The following EEFSEC variants were observed in gnomAD, a reference collection of about 807,000 sequenced individuals.
EEFSEC encodes the protein eukaryotic elongation factor, selenocysteine-tRNA specific.
A neutral mutation model predicts 42.1 loss-of-function variants in EEFSEC; 43 were observed. The ratio of observed to expected loss-of-function variants is 1.02; its 90% CI spans 0.80 to 1.32. The LOEUF is 1.32. Among genes scored for constraint, EEFSEC ranks in the 40% most tolerant of loss-of-function variants. The pLI, the probability that EEFSEC is intolerant of heterozygous loss-of-function variation, is 0.00. For missense variants in EEFSEC, 745 were observed against 803.6 expected (o/e 0.93, Z 0.88); for synonymous variants, 354 against 339.1 (o/e 1.04, Z -0.48).
At chr3:128,417,580 G>A in the EEFSEC span, among the ~76,000 whole-genome samples, 1 of 152,160 alleles carries the variant, frequency 6.6e-6, no homozygotes, top group African/African-American at 2.4e-5. This position sits in a 1 kb window ranked among gnomAD's most constrained non-coding sequence, Gnocchi z 4.3. Flanking sequence ...GTTCCCATGG[G>A]AAGGGGGCTC....
chr3:128,342,928 C>T (rs1465448626), intron 5 of EEFSEC, among the ~76,000 whole-genome samples: 2 of 152,226 alleles, frequency 1.3e-5, no homozygotes, highest in Non-Finnish European at 2.9e-5. Flanking sequence ...CAAACCTTGC[C>T]GTCTCTTCTA....
At chr3:128,316,177 A>C (rs1325471369) in intron 4 of EEFSEC, among the ~76,000 whole-genome samples, 1 of 152,226 alleles carries the variant, frequency 6.6e-6, no homozygotes, top group South Asian at 2.1e-4. Context: ...ATAGAAATAC[A>C]TGCTTGTTGT....
At chr3:128,414,161 C>G in the EEFSEC span, among the ~76,000 whole-genome samples, 9 of 152,232 alleles carry the variant, frequency 5.9e-5, no homozygotes, top group South Asian at 2.1e-4. Context: ...GGCCCCAGCC[C>G]TAGAGTGATG....
At chr3:128,203,626 C>T (rs186427926) in intron 1 of EEFSEC, among the ~76,000 whole-genome samples, 1 of 152,200 alleles carries the variant, frequency 6.6e-6, no homozygotes, top group African/African-American at 2.4e-5. Context: ...AGGCTGGAGC[C>T]AGGTCTGCTA....
chr3:128,219,827 A>C (rs1469977807), intron 1 of EEFSEC, among the ~76,000 whole-genome samples: 2 of 151,688 alleles, frequency 1.3e-5, no homozygotes, highest in African/African-American at 4.8e-5. Flanking sequence ...AAGAGTGCCC[A>C]TCTAGTGTGT....
chr3:128,330,106 G>A (rs1451188645), intron 4 of EEFSEC, among the ~76,000 whole-genome samples: 1 of 152,214 alleles, frequency 6.6e-6, no homozygotes, highest in Non-Finnish European at 1.5e-5. Context: ...GAAGAATCCA[G>A]CATTGCTGTA....
chr3:128,313,177 C>G (rs903265502), intron 4 of EEFSEC, among the ~76,000 whole-genome samples: 3 of 152,204 alleles, frequency 2.0e-5, no homozygotes, highest in African/African-American at 7.2e-5. Context: ...TACATCCTGG[C>G]TCTCCCAGCC....
intron 4 of EEFSEC, among the ~76,000 whole-genome samples, chr3:128,298,372 T>C (rs1409060190): frequency 6.6e-6 from 1 of 152,186 alleles, no homozygotes; most frequent in East Asian, 1.9e-4. Flanking sequence ...GGTCTCAAAC[T>C]CTTGGGCTCA....
chr3:128,294,109 T>C (rs1052508683), intron 4 of EEFSEC, among the ~76,000 whole-genome samples: 13 of 152,340 alleles, frequency 8.5e-5, no homozygotes, highest in African/African-American at 2.9e-4. Flanking sequence ...CCAGCACTTC[T>C]GTAGACTGGC....
intron 1 of EEFSEC, among the ~76,000 whole-genome samples, chr3:128,175,614 T>C (rs1354285836): frequency 1.3e-5 from 2 of 152,192 alleles, no homozygotes; most frequent in Non-Finnish European, 2.9e-5. Flanking sequence ...TACCATTTAA[T>C]GAGTCCCAGA....
At chr3:128,164,422 G>T (rs1344846950) in intron 1 of EEFSEC, among the ~76,000 whole-genome samples, 2 of 152,182 alleles carry the variant, frequency 1.3e-5, no homozygotes, top group Admixed American at 6.5e-5. Flanking sequence ...GAGACACACG[G>T]CTGGGCCTGG....
intron 4 of EEFSEC, among the ~76,000 whole-genome samples, chr3:128,335,812 G>A (rs2067183792): frequency 6.6e-6 from 1 of 152,198 alleles, no homozygotes; most frequent in African/African-American, 2.4e-5. Context: ...AAGGGGTCAG[G>A]CACTGGACCT....
rs149630407 is a variant in EEFSEC at position 128,178,259 on chromosome 3, C to T, written c.316+24436C>T. On this transcript the variant is annotated intron_variant, in intron 1 of 6. Transcript: ENST00000254730. Reference sequence around the variant, plus strand: ...TGAAATATGAAAGTCATCTTATTTTCATGTAAAATGAAACATTTAAATACC... The same window carrying T: ...TGAAATATGAAAGTCATCTTATTTTTATGTAAAATGAAACATTTAAATACC... 1.8e-3 allele frequency among the ~76,000 whole-genome samples: 280 copies of T among 152,222 alleles called. 2 individuals are homozygous for T. Among genetic ancestry groups the T allele is most frequent in the African/African-American group, 6.5e-3 (268 of 41,536 alleles).
intron 2 of EEFSEC, among the ~76,000 whole-genome samples, chr3:128,259,378 A>G (rs781714536): frequency 1.3e-5 from 2 of 152,268 alleles, no homozygotes; most frequent in African/African-American, 4.8e-5. Context: ...AGGCAATGCA[A>G]TACAAATTAA....
At chr3:128,187,892 G>A (rs965026745) in intron 1 of EEFSEC, among the ~76,000 whole-genome samples, 2 of 152,248 alleles carry the variant, frequency 1.3e-5, no homozygotes, top group Admixed American at 1.3e-4. Flanking sequence ...AGGGAGCCTA[G>A]AAGTATGAAG....
intron 1 of EEFSEC, among the ~76,000 whole-genome samples, chr3:128,244,358 G>A (rs2066104329): frequency 6.6e-6 from 1 of 152,166 alleles, no homozygotes; most frequent in East Asian, 1.9e-4. Context: ...GAGAGAGGGC[G>A]AAAAGCCCAG....
chr3:128,256,074 A>T (rs2066239109), intron 2 of EEFSEC, among the ~76,000 whole-genome samples: 1 of 152,182 alleles, frequency 6.6e-6, no homozygotes, highest in Non-Finnish European at 1.5e-5. Context: ...CACAAGATCC[A>T]TCTGGGACTG....
chr3:128,332,744 G>A (rs576478667), intron 4 of EEFSEC, among the ~76,000 whole-genome samples: 8 of 152,348 alleles, frequency 5.3e-5, no homozygotes, highest in Admixed American at 2.0e-4. Context: ...ACCTGCAGGG[G>A]CAGCGCTGGC....
In EEFSEC at chr3:128,217,961, A is replaced by G. The variant is rs545528727; in HGVS notation, c.317-28875A>G. ...ATCCTAGCTTTATAGAAGAGGAAAC[A>G]GGCTCAGGGGGTTAAGGGGTTTGCT... On this transcript the variant is annotated intron_variant, in intron 1 of 6. Transcript: ENST00000254730. Among the ~76,000 whole-genome samples, 37 of 152,366 alleles carry G rather than the reference A, an allele frequency of 2.4e-4. No homozygotes were observed. In the South Asian group the frequency reaches 7.5e-3, roughly 31 times the overall value.
Sources: allele counts gnomAD v4.1 joint callset (sites outside exome capture counted in the v4.1 genomes callset), GRCh38; gene constraint gnomAD v4.1.1; non-coding constraint Gnocchi (gnomAD v3.1); transcripts MANE v1.5; gene names NCBI Gene and HGNC (gene_info 2026-07-23, HGNC 2026-07-21).